The following ZNF385D variants were observed in gnomAD, a reference collection of about 807,000 sequenced individuals.
The protein encoded by ZNF385D is zinc finger protein 659.
A neutral mutation model predicts 35.8 loss-of-function variants in ZNF385D; 15 were observed. The ratio of observed to expected loss-of-function variants is 0.42; its 90% CI spans 0.28 to 0.64. The LOEUF is 0.64. Among genes scored for constraint, ZNF385D ranks in the 30% least tolerant of loss-of-function variants. The pLI is 0.23. For synonymous variants in ZNF385D, 212 were observed against 186.8 expected (o/e 1.13, Z -1.10); for missense variants, 474 against 494.6 (o/e 0.96, Z 0.39).
rs1203727525 is a variant in ZNF385D at position 21,967,079 on chromosome 3, TTGTA to T, written c.325+201734_325+201737del. On this transcript the variant is annotated intron_variant, in intron 3 of 5. Transcript: ENST00000494108. ...AAATAATAGTGAAAAATTCCATACA[TTGTA>T]TGATCTACAAAGAAAATGTTTACCT... Among the ~76,000 whole-genome samples the T allele has an allele frequency of 7.2e-5, 11 of 152,338 alleles. No homozygotes were observed. In the South Asian group the frequency reaches 1.9e-3, roughly 26 times the overall value.
intron 3 of ZNF385D, among the ~76,000 whole-genome samples, chr3:21,804,261 G>A (rs1017202352): frequency 3.3e-5 from 5 of 152,050 alleles, no homozygotes; most frequent in Admixed American, 3.3e-4. Flanking sequence ...CACAATTATT[G>A]CCCTTTATAA....
intron 2 of ZNF385D, among the ~76,000 whole-genome samples, chr3:22,237,011 G>T (rs368422653): frequency 3.3e-5 from 5 of 152,088 alleles, no homozygotes; most frequent in African/African-American, 1.2e-4. Flanking sequence ...AAGAATTTAC[G>T]TGAATATGTT....
At chr3:21,575,663 C>T (rs760683886) in intron 2 of ZNF385D, among the ~76,000 whole-genome samples, 4 of 152,162 alleles carry the variant, frequency 2.6e-5, no homozygotes, top group Non-Finnish European at 4.4e-5. Context: ...GCTGAACTCT[C>T]ATCTGACCTT....
At chr3:22,180,193 G>A (rs1477354641) in intron 2 of ZNF385D, among the ~76,000 whole-genome samples, 1 of 152,182 alleles carries the variant, frequency 6.6e-6, no homozygotes, top group Non-Finnish European at 1.5e-5. Context: ...TGGAAGAAAT[G>A]GATAAATTCC....
intron 4 of ZNF385D, among the ~76,000 whole-genome samples, chr3:21,482,907 T>C (rs1704737374): frequency 6.6e-6 from 1 of 152,158 alleles, no homozygotes; most frequent in Admixed American, 6.6e-5. Flanking sequence ...AGTATTCATC[T>C]AGATTCCTGC....
chr3:22,167,028 T>C (rs1041108305), intron 3 of ZNF385D, among the ~76,000 whole-genome samples: 5 of 152,226 alleles, frequency 3.3e-5, no homozygotes, highest in Admixed American at 2.0e-4. Flanking sequence ...ATGACTTACT[T>C]TGCTAGTGAT....
chr3:21,428,781 C>G (rs775388158), intron 5 of ZNF385D, among the ~76,000 whole-genome samples: 2 of 152,056 alleles, frequency 1.3e-5, no homozygotes, highest in Non-Finnish European at 2.9e-5. Context: ...AGGAGAGACT[C>G]TGCAAGGAGC....
At chr3:21,677,987 C>T (rs1009021273) in intron 1 of ZNF385D, among the ~76,000 whole-genome samples, 13 of 152,112 alleles carry the variant, frequency 8.5e-5, no homozygotes, top group African/African-American at 3.1e-4. Context: ...CCTTCTAGTA[C>T]TCAGGGCATA....
intron 2 of ZNF385D, among the ~76,000 whole-genome samples, chr3:22,354,650 C>T (rs1273025091): frequency 2.0e-5 from 3 of 151,936 alleles, no homozygotes; most frequent in South Asian, 2.1e-4. Flanking sequence ...CCATCAGGCA[C>T]GTTGTCTTCA....
chr3:22,084,553 T>C (rs1409050978), intron 3 of ZNF385D, among the ~76,000 whole-genome samples: 2 of 152,196 alleles, frequency 1.3e-5, no homozygotes, highest in South Asian at 2.1e-4. Flanking sequence ...ATGCACCCAA[T>C]ACAGGAGCAC....
At chr3:22,370,487 A>T (rs986173462) in intron 2 of ZNF385D, among the ~76,000 whole-genome samples, 1 of 152,210 alleles carries the variant, frequency 6.6e-6, no homozygotes, top group African/African-American at 2.4e-5. Context: ...GCATTCTGTT[A>T]TATTAAATAC....
intron 2 of ZNF385D, among the ~76,000 whole-genome samples, chr3:21,642,047 G>A (rs2065622696): frequency 6.6e-6 from 1 of 152,126 alleles, no homozygotes; most frequent in East Asian, 1.9e-4. Context: ...CACTGGCCAG[G>A]CAGAAAACTC....
At chr3:21,851,971 T>C (rs1302217026) in intron 3 of ZNF385D, among the ~76,000 whole-genome samples, 2 of 152,070 alleles carry the variant, frequency 1.3e-5, no homozygotes, top group East Asian at 3.9e-4. Flanking sequence ...TTTATTACTG[T>C]CTGATATTGT....
chr3:22,111,151 G>A (rs1171881289), intron 3 of ZNF385D, among the ~76,000 whole-genome samples: 1 of 102,458 alleles, frequency 9.8e-6, no homozygotes, highest in Non-Finnish European at 1.9e-5. Context: ...CTCCATGTTG[G>A]ATTTTTTTTT....
upstream of ZNF385D, among the ~76,000 whole-genome samples, chr3:21,755,742 A>T (rs752713029): frequency 6.6e-6 from 1 of 152,222 alleles, no homozygotes; most frequent in South Asian, 2.1e-4. Flanking sequence ...TCCATCGTTT[A>T]ATGAACAAAT....
intron 3 of ZNF385D, among the ~76,000 whole-genome samples, chr3:21,925,209 A>G (rs559363973): frequency 1.8e-4 from 27 of 152,288 alleles, no homozygotes; most frequent in African/African-American, 5.8e-4. Context: ...TTTGAAAAAG[A>G]AAAAGTGGGA....
chr3:22,301,210 A>G (rs1702882646), intron 2 of ZNF385D, among the ~76,000 whole-genome samples: 1 of 152,060 alleles, frequency 6.6e-6, no homozygotes, highest in South Asian at 2.1e-4. Context: ...GACCTCACTT[A>G]TATATGGAAT....
Position 21,510,666 on chromosome 3 carries a change from G to A in ZNF385D, c.439+195C>T, listed in dbSNP as rs145232661. On this transcript the variant is annotated intron_variant, in intron 4 of 7. Coordinates refer to ENST00000281523, the MANE Select transcript of ZNF385D (RefSeq NM_024697.3). ...AGGACTCTTGCAAAATGCAAAATCT[G>A]GAATATAATTAGTGATTATCTTAAT... Among the ~76,000 whole-genome samples the A allele has an allele frequency of 3.3e-5, 5 of 152,178 alleles. No homozygotes were observed. The East Asian group carries it at 9.7e-4, about 29-fold the overall frequency.
At chr3:21,998,609 C>T (rs770531642) in intron 3 of ZNF385D, among the ~76,000 whole-genome samples, 2 of 152,198 alleles carry the variant, frequency 1.3e-5, no homozygotes, top group Non-Finnish European at 2.9e-5. Flanking sequence ...TCAGTTGTTA[C>T]TAGCCCAGCC....
Sources: allele counts gnomAD v4.1 joint callset (sites outside exome capture counted in the v4.1 genomes callset), GRCh38; gene constraint gnomAD v4.1.1; transcripts MANE v1.5; gene names NCBI Gene and HGNC (gene_info 2026-07-23, HGNC 2026-07-21).